FOCAD: variants seen among roughly 807,000 people sequenced by gnomAD.
The protein encoded by FOCAD is KIAA1797.
A neutral mutation model predicts 225.6 loss-of-function variants in FOCAD; 198 were observed. The ratio of observed to expected loss-of-function variants is 0.88; its 90% CI spans 0.78 to 0.99. The LOEUF (loss-of-function observed/expected upper bound fraction) is 0.99, where lower values mean the gene tolerates loss of function less well. Ranked by LOEUF, FOCAD falls within the 50% of genes least tolerant of loss-of-function variation. FOCAD has a pLI of 0.00. For synonymous variants in FOCAD, 897 were observed against 755.0 expected (o/e 1.19, Z -3.08); for missense variants, 2,713 against 2,123.6 (o/e 1.28, Z -5.46).
chr9:20,782,746 G>A (rs547106743), intron 10 of FOCAD, among the ~76,000 whole-genome samples: 9 of 152,288 alleles, frequency 5.9e-5, no homozygotes, highest in African/African-American at 2.2e-4. Context: ...ATACAAACTG[G>A]AGTGATGGTT....
At chr9:20,754,649 G>C (rs1166372931) in intron 5 of FOCAD, among the ~76,000 whole-genome samples, 1 of 151,946 alleles carries the variant, frequency 6.6e-6, no homozygotes. Flanking sequence ...TCTTGACCAG[G>C]AGCAATTTTG....
chr9:20,685,036 A>G (rs1457087938), intron 1 of FOCAD, among the ~76,000 whole-genome samples: 1 of 152,158 alleles, frequency 6.6e-6, no homozygotes, highest in Non-Finnish European at 1.5e-5. Flanking sequence ...TTTTGAAATG[A>G]ATGAAATCCT....
chr9:20,758,067 A>G (rs1829220747), intron 5 of FOCAD, 23 bp from the exon 6 acceptor site: 1 of 1,546,836 alleles, frequency 6.5e-7, no homozygotes, highest in Non-Finnish European at 8.9e-7. Context: ...ACAGGTTCCC[A>G]TGTGACTTTC....
chr9:20,817,383 C>T (rs980756745), intron 11 of FOCAD, among the ~76,000 whole-genome samples: 1 of 152,116 alleles, frequency 6.6e-6, no homozygotes, highest in African/African-American at 2.4e-5. Flanking sequence ...TGACCACCCC[C>T]TGCTTCTTAC....
At chr9:20,706,526 T>C (rs1430144698) in intron 1 of FOCAD, among the ~76,000 whole-genome samples, 1 of 152,228 alleles carries the variant, frequency 6.6e-6, no homozygotes, top group African/African-American at 2.4e-5. Context: ...TATGGAATTG[T>C]GCAGGTCATG....
At chr9:20,766,997 C>T (rs1037988689) in intron 7 of FOCAD, among the ~76,000 whole-genome samples, 8 of 152,044 alleles carry the variant, frequency 5.3e-5, no homozygotes, top group African/African-American at 1.9e-4. Flanking sequence ...ACCACAGTCC[C>T]CAGAATGTGA....
intron 11 of FOCAD, among the ~76,000 whole-genome samples, chr9:20,808,485 A>G (rs1339074421): frequency 6.6e-6 from 1 of 152,240 alleles, no homozygotes; most frequent in Non-Finnish European, 1.5e-5. Flanking sequence ...TACTTCGAGT[A>G]TTCTTTGCCT....
At chr9:20,671,071 T>A (rs1397537705) in intron 2 of FOCAD, among the ~76,000 whole-genome samples, 1 of 152,242 alleles carries the variant, frequency 6.6e-6, no homozygotes, top group Non-Finnish European at 1.5e-5. Context: ...TTTTATTACA[T>A]TTCTGATCTT....
intron 22 of FOCAD, among the ~76,000 whole-genome samples, chr9:20,910,643 T>C (rs1833363091): frequency 6.6e-6 from 1 of 152,054 alleles, no homozygotes; most frequent in East Asian, 1.9e-4. Context: ...AAAATCTCAA[T>C]TCAGGTGATC....
intron 35 of FOCAD, among the ~76,000 whole-genome samples, chr9:20,970,611 T>A (rs778174142): frequency 6.6e-6 from 1 of 152,102 alleles, no homozygotes; most frequent in Non-Finnish European, 1.5e-5. Flanking sequence ...TAGTTCTTTG[T>A]CCATAATTTT....
At chr9:20,699,821 GCTA>G (rs1823789396) in intron 1 of FOCAD, among the ~76,000 whole-genome samples, 1 of 99,170 alleles carries the variant, frequency 1.0e-5, no homozygotes, top group Non-Finnish European at 1.9e-5. Flanking sequence ...TATATGAAGA[GCTA>G]CATATTACAT....
intron 1 of FOCAD, among the ~76,000 whole-genome samples, chr9:20,694,084 A>G (rs1167289177): frequency 1.3e-5 from 2 of 152,204 alleles, no homozygotes; most frequent in Non-Finnish European, 2.9e-5. Context: ...ATTCTTTGCA[A>G]GAAGATTATC....
At chr9:20,786,962 G>T in intron 10 of FOCAD, 1 of 474,434 alleles carries the variant, frequency 2.1e-6, no homozygotes, top group Non-Finnish European at 4.2e-6. Flanking sequence ...AGGCTATGGG[G>T]CCAGGATTTG....
At chr9:20,884,787 C>T (rs746462937) in intron 20 of FOCAD, among the ~76,000 whole-genome samples, 6 of 151,732 alleles carry the variant, frequency 4.0e-5, no homozygotes, top group East Asian at 3.9e-4. Context: ...GTAAGCTGGG[C>T]GCGGTGGCTC....
At chr9:20,935,050 G>A (rs904540152) in intron 28 of FOCAD, among the ~76,000 whole-genome samples, 4 of 152,104 alleles carry the variant, frequency 2.6e-5, no homozygotes, top group African/African-American at 4.8e-5. Context: ...AGTGTCAAAA[G>A]CAGTCTACAC....
chr9:20,814,432 T>C (rs374600256), intron 11 of FOCAD, among the ~76,000 whole-genome samples: 7 of 152,076 alleles, frequency 4.6e-5, no homozygotes, highest in African/African-American at 1.7e-4. Flanking sequence ...CTTGGCTCAC[T>C]GGAACTTCCG....
At chr9:20,957,427 T>A (rs1268669213) in intron 35 of FOCAD, 1 of 151,930 alleles carries the variant, frequency 6.6e-6, no homozygotes, top group Non-Finnish European at 1.5e-5. Flanking sequence ...CTTAATCATT[T>A]TCGTATTGGT....
chr9:20,695,747 T>A lies in FOCAD; in HGVS notation c.-33+11454T>A, dbSNP rs531987714. Among the ~76,000 whole-genome samples the A allele has an allele frequency of 2.0e-5, 3 of 152,346 alleles. No homozygotes were observed. The South Asian group carries it at 6.2e-4, about 32-fold the overall frequency. ...TTTTAAAAGCTATGTGGGATAAGTA[T>A]GGCTTAGAGGGCTACTGAGGCCTTA... On this transcript the variant is annotated intron_variant, in intron 1 of 43. Transcript: ENST00000338382.
At chr9:20,897,750 T>A (rs934010139) in intron 21 of FOCAD, among the ~76,000 whole-genome samples, 6 of 151,782 alleles carry the variant, frequency 4.0e-5, no homozygotes, top group Non-Finnish European at 7.4e-5. Flanking sequence ...ACTATTATTA[T>A]TTTTAACAAG....
Sources: gnomAD v4.1 joint callset for allele counts (sites outside exome capture counted in the v4.1 genomes callset) on GRCh38, gnomAD v4.1.1 for gene constraint, MANE v1.5 for transcripts, NCBI Gene and HGNC (gene_info 2026-07-23, HGNC 2026-07-21) for gene names.